The following PPARGC1A variants were observed in gnomAD, a reference collection of about 807,000 sequenced individuals.
The protein encoded by PPARGC1A is PPARG coactivator 1 alpha, also known as peroxisome proliferator-activated receptor gamma coactivator 1-alpha.
In PPARGC1A, 25 loss-of-function variants were observed where a neutral mutation model predicts 88.7. That is an observed-to-expected ratio of 0.28 (90% CI 0.21 to 0.39). The LOEUF is 0.39. Ranked by LOEUF, PPARGC1A falls within the 10% of genes least tolerant of loss-of-function variation. The pLI is 1.00. For missense variants in PPARGC1A, 880 were observed against 968.7 expected (o/e 0.91, Z 1.22); for synonymous variants, 363 against 355.6 (o/e 1.02, Z -0.24).
the PPARGC1A span, among the ~76,000 whole-genome samples, chr4:24,190,672 A>C: frequency 2.3e-3 from 349 of 152,300 alleles, 2 homozygotes; most frequent in African/African-American, 7.9e-3. Flanking sequence ...GAAGAGATGA[A>C]GTGACTTCCT....
the PPARGC1A span, among the ~76,000 whole-genome samples, chr4:24,169,677 C>T: frequency 6.6e-6 from 1 of 152,098 alleles, no homozygotes; most frequent in Non-Finnish European, 1.5e-5. Context: ...CGAGACCAGC[C>T]TGTCCAACAT....
chr4:24,287,789 T>A, the PPARGC1A span, among the ~76,000 whole-genome samples: 1 of 152,118 alleles, frequency 6.6e-6, no homozygotes, highest in African/African-American at 2.4e-5. Context: ...ACCATTTCTT[T>A]AGGCTTTAGG....
the PPARGC1A span, among the ~76,000 whole-genome samples, chr4:24,346,534 C>T: frequency 1.2e-4 from 18 of 152,038 alleles, no homozygotes; most frequent in Admixed American, 1.2e-3. Flanking sequence ...AGGAATTTAT[C>T]CATCTCTTCT....
the PPARGC1A span, among the ~76,000 whole-genome samples, chr4:24,411,513 T>C: frequency 2.0e-5 from 3 of 152,232 alleles, no homozygotes; most frequent in African/African-American, 7.2e-5. Flanking sequence ...TGAACCTACA[T>C]TGACACATCA....
At chr4:24,001,287 T>G in the PPARGC1A span, among the ~76,000 whole-genome samples, 2 of 152,206 alleles carry the variant, frequency 1.3e-5, no homozygotes, top group Non-Finnish European at 2.9e-5. Flanking sequence ...GAGGAAATAA[T>G]TCACATCTTC....
At chr4:23,977,401 A>G in the PPARGC1A span, among the ~76,000 whole-genome samples, 1 of 152,218 alleles carries the variant, frequency 6.6e-6, no homozygotes, top group Non-Finnish European at 1.5e-5. Flanking sequence ...CTCTAAAGAG[A>G]AGAAGAATAA....
the PPARGC1A span, among the ~76,000 whole-genome samples, chr4:24,235,437 G>T: frequency 6.6e-6 from 1 of 152,142 alleles, no homozygotes; most frequent in Non-Finnish European, 1.5e-5. Flanking sequence ...CATGAGAATT[G>T]TCTGATGCCC....
chr4:24,313,185 C>A, the PPARGC1A span, among the ~76,000 whole-genome samples: 2 of 152,064 alleles, frequency 1.3e-5, no homozygotes, highest in African/African-American at 4.8e-5. Context: ...ACAAGCAGTG[C>A]ACAAAGGAGA....
the PPARGC1A span, among the ~76,000 whole-genome samples, chr4:24,194,629 C>T: frequency 4.4e-3 from 221 of 50,448 alleles, 2 homozygotes; most frequent in African/African-American, 0.014. Flanking sequence ...CGCACGCGCG[C>T]GCACACACAC....
chr4:24,236,803 G>T, the PPARGC1A span, among the ~76,000 whole-genome samples: 3 of 152,286 alleles, frequency 2.0e-5, no homozygotes, highest in South Asian at 6.2e-4. Flanking sequence ...GTCTTGTACA[G>T]CTACTTATAT....
chr4:24,128,369 C>T, the PPARGC1A span, among the ~76,000 whole-genome samples: 1 of 152,140 alleles, frequency 6.6e-6, no homozygotes, highest in Admixed American at 6.5e-5. Context: ...TGGAACAGTG[C>T]CTCATAAATT....
intron 2 of PPARGC1A, among the ~76,000 whole-genome samples, chr4:23,869,917 A>G (rs1228544527): frequency 6.6e-6 from 1 of 152,206 alleles, no homozygotes; most frequent in Non-Finnish European, 1.5e-5. Context: ...CCTGTAGCCA[A>G]AAAGCTTTAC....
At chr4:24,273,333 A>G in the PPARGC1A span, among the ~76,000 whole-genome samples, 3 of 152,236 alleles carry the variant, frequency 2.0e-5, no homozygotes, top group Non-Finnish European at 4.4e-5. Context: ...GAGGCATATG[A>G]ATTCCTGTCG....
chr4:24,323,740 G>A, the PPARGC1A span, among the ~76,000 whole-genome samples: 1 of 152,134 alleles, frequency 6.6e-6, no homozygotes, highest in Non-Finnish European at 1.5e-5. Flanking sequence ...ACTCGGATCG[G>A]GGGACCTCCC....
chr4:24,364,670 T>C, the PPARGC1A span, among the ~76,000 whole-genome samples: 1 of 152,198 alleles, frequency 6.6e-6, no homozygotes, highest in African/African-American at 2.4e-5. Flanking sequence ...ATAATTCCAC[T>C]TCTATTATGT....
chr4:24,381,373 A>T, the PPARGC1A span, among the ~76,000 whole-genome samples: 14 of 152,234 alleles, frequency 9.2e-5, no homozygotes, highest in African/African-American at 3.4e-4. Context: ...AGAAAGCACC[A>T]AAATTAGAAG....
At chr4:24,395,803 A>G in the PPARGC1A span, among the ~76,000 whole-genome samples, 2 of 152,274 alleles carry the variant, frequency 1.3e-5, no homozygotes, top group African/African-American at 2.4e-5. Flanking sequence ...CCAATGTCAC[A>G]CCATTGTAAG....
the PPARGC1A span, among the ~76,000 whole-genome samples, chr4:23,960,276 C>G: frequency 3.5e-4 from 53 of 151,998 alleles, no homozygotes; most frequent in Non-Finnish European, 6.5e-4. Context: ...GTGACAACTG[C>G]TGGGATGCAA....
the PPARGC1A span, among the ~76,000 whole-genome samples, chr4:24,406,517 T>C: frequency 6.6e-6 from 1 of 152,200 alleles, no homozygotes; most frequent in Non-Finnish European, 1.5e-5. Context: ...AGTCACTCAG[T>C]GTCTTTTAAA....
Sources: gnomAD v4.1 joint callset for allele counts (sites outside exome capture counted in the v4.1 genomes callset) on GRCh38, gnomAD v4.1.1 for gene constraint, MANE v1.5 for transcripts, NCBI Gene and HGNC (gene_info 2026-07-23, HGNC 2026-07-21) for gene names.